The following ALPK3 variants were observed in gnomAD, a reference collection of about 807,000 sequenced individuals.
The protein encoded by ALPK3 is alpha-protein kinase 3.
ALPK3 carries 102 observed loss-of-function variants against 140.0 expected under a neutral mutation model. The observed-to-expected ratio is 0.73, with a 90% CI of 0.62 to 0.86. ALPK3 has a LOEUF of 0.86. Among genes scored for constraint, ALPK3 ranks in the 40% least tolerant of loss-of-function variants. The pLI, the probability that ALPK3 is intolerant of heterozygous loss-of-function variation, is 0.00. For synonymous variants in ALPK3, 938 were observed against 898.5 expected (o/e 1.04, Z -0.79); for missense variants, 2,254 against 2,208.2 (o/e 1.02, Z -0.42).
At chr15:84,842,265 C>T (rs1485945446) in intron 5 of ALPK3, among the ~76,000 whole-genome samples, 4 of 152,226 alleles carry the variant, frequency 2.6e-5, no homozygotes, top group Non-Finnish European at 5.9e-5. Context: ...AACTCTTGAC[C>T]TCAAGTGATC....
chr15:84,817,497 G>A lies in ALPK3; in HGVS notation c.45G>A (p.Gly15=). The change falls in exon 1 of 14, where the codon GGG becomes GGA. Residue 15 remains glycine, a synonymous_variant. Coordinates refer to ENST00000258888, the MANE Select transcript of ALPK3 (RefSeq NM_020778.5). The part of the protein sequence containing the change: ...RAPSRGWGAG[G]RSGAGGDGED... Reference sequence around the variant, plus strand: ...CCAGCCGGGGCTGGGGCGCGGGTGGGCGGTCGGGGGCGGGGGGCGACGGTG... The same window carrying A: ...CCAGCCGGGGCTGGGGCGCGGGTGGACGGTCGGGGGCGGGGGGCGACGGTG... The A allele has an allele frequency of 6.9e-7, 1 of 1,449,996 alleles. No individual in the cohort carries two copies. The highest frequency in any genetic ancestry group is 1.4e-5 in the South Asian group (1 of 74,066). The allele number at this position is 1,449,996 out of a possible 1,614,324, so 89.8% of individuals were successfully genotyped here. A position where few individuals can be genotyped will look rare whatever the true frequency, so the allele number is the denominator to read the frequency against.
At position 84,857,851 on chromosome 15, in the gene ALPK3, G is replaced by A. The variant is rs146371614; in HGVS notation, c.3113G>A (p.Arg1038His). The A allele has an allele frequency of 1.3e-4, 210 of 1,611,788 alleles. No individual in the cohort carries two copies. The highest frequency in any genetic ancestry group is 1.6e-4 in the Non-Finnish European group (192 of 1,178,938). The stretch of plus-strand genomic sequence containing the variant: ...CTGCTGCTGAGCCCCTGTACCTCCC[G>A]CCGCCTCACCGGCCTCCTGGACCGT... Reference protein sequence around the residue: ...QTLLLSPCTSRRLTGLLDREV... With the variant: ...QTLLLSPCTSHRLTGLLDREV... Residue 1038 changes from arginine (R) to histidine (H), a missense_variant, in exon 6 of 14, where the codon CGC becomes CAC. Coordinates refer to ENST00000258888, the MANE Select transcript of ALPK3 (RefSeq NM_020778.5).
At chr15:84,845,061 A>G (rs1381007181) in intron 5 of ALPK3, among the ~76,000 whole-genome samples, 1 of 152,222 alleles carries the variant, frequency 6.6e-6, no homozygotes, top group Non-Finnish European at 1.5e-5. Flanking sequence ...CAACTTTGAA[A>G]AGCAAATAGT....
intron 12 of ALPK3, among the ~76,000 whole-genome samples, chr15:84,867,011 G>C (rs1964010336): frequency 6.6e-6 from 1 of 152,078 alleles, no homozygotes; most frequent in African/African-American, 2.4e-5. Flanking sequence ...GTATGACTTT[G>C]CTCAAGCCAT....
At chr15:84,833,259 G>A (rs1596147759) in intron 3 of ALPK3, among the ~76,000 whole-genome samples, 2 of 152,062 alleles carry the variant, frequency 1.3e-5, no homozygotes, top group South Asian at 4.1e-4. Flanking sequence ...CTCCTTTCCT[G>A]CCCCCACTCA....
At position 84,840,943 on chromosome 15, in the gene ALPK3, G is replaced by T; in HGVS notation, c.1653+11G>T. 1.3e-6 allele frequency: 2 copies of T among 1,547,874 alleles called. No homozygotes were observed. Among genetic ancestry groups the T allele is most frequent in the Non-Finnish European group, 8.7e-7 (1 of 1,149,132 alleles). ...AGGACTCCAGGAGAGGTAAGTGTGG[G>T]TGTTGGGTGCCTGGAGGCCGCTCTG... On this transcript the variant is annotated intron_variant, in intron 5 of 13. Coordinates refer to ENST00000258888, the MANE Select transcript of ALPK3 (RefSeq NM_020778.5).
Position 84,840,763 on chromosome 15 carries a change from A to G in ALPK3, c.1484A>G (p.Asp495Gly). Reference sequence around the variant, plus strand: ...AAGCCCAAAGGAGAGGCCACCACTGACAGCAAGCCCATTTCTTCTCTGAGT... The same window carrying G: ...AAGCCCAAAGGAGAGGCCACCACTGGCAGCAAGCCCATTTCTTCTCTGAGT... ...PPKPKGEATT[D>G]SKPISSLSQA... Residue 495 changes from aspartate (D) to glycine (G), a missense_variant, in exon 5 of 14, where the codon GAC becomes GGC. Transcript: ENST00000258888. 6.2e-7 allele frequency: 1 copy of G among 1,614,200 alleles called. No homozygotes were observed. The highest frequency in any genetic ancestry group is 8.5e-7 in the Non-Finnish European group (1 of 1,180,032).
rs1442585193 is a variant in ALPK3, at chr15:84,817,387, G to T, written c.-66G>T. ...GGCGGCGGCGGGCAGGGGCCCGGGG[G>T]CCGGGGCCTGGAGGACAGGCGAGGC... On this transcript the variant is annotated 5_prime_UTR_variant, in exon 1 of 14. Transcript: ENST00000258888. 2.5e-6 allele frequency: 3 copies of T among 1,220,102 alleles called. No individual in the cohort carries two copies. Among genetic ancestry groups the T allele is most frequent in the East Asian group, 3.4e-5 (1 of 29,628 alleles). The allele number at this position is 1,220,102 out of a possible 1,614,324, so 75.6% of individuals were successfully genotyped here.
chr15:84,871,127 G>T lies in ALPK3; in HGVS notation c.*2671G>T, dbSNP rs1460007244. On this transcript the variant is annotated 3_prime_UTR_variant, in exon 14 of 14. Transcript: ENST00000258888. Reference sequence around the variant, plus strand: ...TATTCAACCAAAATTGTATAACCCAGCAAGAATGGAAGAATGGGTAAAGTC... The same window carrying T: ...TATTCAACCAAAATTGTATAACCCATCAAGAATGGAAGAATGGGTAAAGTC... 1.3e-5 allele frequency: 2 copies of T among 152,612 alleles called. No homozygotes were observed. Among genetic ancestry groups the T allele is most frequent in the Non-Finnish European group, 2.9e-5 (2 of 68,046 alleles). The allele number at this position is 152,612 out of a possible 1,614,324, so 9.5% of individuals were successfully genotyped here. A position where few individuals can be genotyped will look rare whatever the true frequency, so the allele number is the denominator to read the frequency against.
chr15:84,858,422 G>A lies in ALPK3; in HGVS notation c.3684G>A (p.Arg1228=), dbSNP rs1305009532. Residue 1228 remains arginine (R), a synonymous_variant, in exon 6 of 14, where the codon CGG becomes CGA. Coordinates refer to ENST00000258888, the MANE Select transcript of ALPK3 (RefSeq NM_020778.5). ...AGGCGAGCATGCTGGAGGTGCCTCG[G>A]GCAGAGGAGGAGCTGGCGGCAGGAG... ...GRKASMLEVP[R]AEEELAAGDL... is the part of the protein sequence containing the mutation. The A allele has an allele frequency of 1.3e-6, 2 of 1,560,822 alleles. No individual in the cohort carries two copies.
chr15:84,858,718 T>C (rs1303899942), intron 6 of ALPK3, among the ~76,000 whole-genome samples, 163 bp downstream of exon 6: 12 of 152,226 alleles, frequency 7.9e-5, no homozygotes, highest in Admixed American at 7.9e-4. Context: ...CTTTAAGGCC[T>C]GGTTCTTGTT....
In ALPK3 at chr15:84,856,889, C is replaced by A. The variant is rs754664653; in HGVS notation, c.2151C>A (p.Pro717=). 2 of 1,613,960 alleles carry A rather than the reference C, an allele frequency of 1.2e-6. No individual in the cohort carries two copies. Among genetic ancestry groups the A allele is most frequent in the Non-Finnish European group, 1.7e-6 (2 of 1,179,982 alleles). The part of the protein sequence containing the change: ...EKGTQSEGSA[P]TAMEGQSEQE... ...GGACGCAGTCAGAGGGGAGCGCGCC[C>A]ACAGCCATGGAAGGTCAGTCTGAGC... The change falls in exon 6 of 14, where the codon CCC becomes CCA. Residue 717 remains proline, a synonymous_variant. Transcript: ENST00000258888.
rs756102032 is a variant in ALPK3, at chr15:84,859,427, C to T, written c.3965+37C>T. 5.6e-6 allele frequency: 9 copies of T among 1,611,476 alleles called. No homozygotes were observed. The Middle Eastern group carries it at 4.9e-4, about 88-fold the overall frequency. ...ACACCACTGCCACCTGACCTGGCTC[C>T]CTGATTGCAGTAATACCGTTGGGCA... On this transcript the variant is annotated intron_variant, in intron 7 of 13. Transcript: ENST00000258888.
chr15:84,862,621 C>A lies in ALPK3; in HGVS notation c.4130-14C>A, dbSNP rs968046576. The A allele has an allele frequency of 1.3e-6, 2 of 1,592,238 alleles. No individual in the cohort carries two copies. Among genetic ancestry groups the A allele is most frequent in the Admixed American group, 1.7e-5 (1 of 58,736 alleles). On this transcript the variant is annotated splice_polypyrimidine_tract_variant and intron_variant, in intron 9 of 13. Coordinates refer to ENST00000258888, the MANE Select transcript of ALPK3 (RefSeq NM_020778.5). ...GAGCTCCTGGTCTCCCACATTTCTCCTGTTCCCCTTCAGTTGGAGAAGAGA... is the reference window on the plus strand; with the variant it reads ...GAGCTCCTGGTCTCCCACATTTCTCATGTTCCCCTTCAGTTGGAGAAGAGA...
At chr15:84,863,060 A>C in intron 10 of ALPK3, 145 bp downstream of exon 10, 2 of 1,168,704 alleles carry the variant, frequency 1.7e-6, no homozygotes, top group Non-Finnish European at 2.4e-6. Flanking sequence ...ACCTTGTGGA[A>C]AGCCTGAGAT....
chr15:84,838,638 T>TGA (rs1555434490), intron 3 of ALPK3, among the ~76,000 whole-genome samples: 1 of 139,498 alleles, frequency 7.2e-6, no homozygotes, highest in Non-Finnish European at 1.5e-5. Context: ...ATTATTATTA[T>TGA]TGAGATGGAG....
In ALPK3 at chr15:84,872,194, G is replaced by C. The variant is rs913141635; in HGVS notation, c.*3738G>C. 1 of 152,294 alleles carries C rather than the reference G, an allele frequency of 6.6e-6. No homozygotes were observed. Among genetic ancestry groups the C allele is most frequent in the African/African-American group, 2.4e-5 (1 of 41,470 alleles). 9.4% of individuals were successfully genotyped at this position (152,294 alleles called of 1,614,324 possible). ...TGGCCACCAAGTGTGCCAGGGCCAA[G>C]TGTTCAGGCTCTCCCAGAGCCCAGT... On this transcript the variant is annotated 3_prime_UTR_variant, in exon 14 of 14. Transcript: ENST00000258888.
At chr15:84,838,130 A>C (rs1214405115) in intron 3 of ALPK3, among the ~76,000 whole-genome samples, 1 of 152,184 alleles carries the variant, frequency 6.6e-6, no homozygotes, top group Non-Finnish European at 1.5e-5. Context: ...AGGAAGGTGT[A>C]GATGTGTGGA....
intron 11 of ALPK3, 36 bp from the exon 12 acceptor site, chr15:84,864,406 T>A (rs1470861388): frequency 1.9e-6 from 3 of 1,594,100 alleles, no homozygotes; most frequent in Non-Finnish European, 2.6e-6. Flanking sequence ...CTCTGGGCCA[T>A]ACTTCCTGCT....
Sources: allele counts gnomAD v4.1 joint callset (sites outside exome capture counted in the v4.1 genomes callset), GRCh38; gene constraint gnomAD v4.1.1; transcripts MANE v1.5; gene names NCBI Gene and HGNC (gene_info 2026-07-23, HGNC 2026-07-21).